The following TUBGCP3 variants were observed in gnomAD, a reference collection of about 807,000 sequenced individuals.
The protein encoded by TUBGCP3 is gamma-tubulin complex component 3.
TUBGCP3 carries 50 observed loss-of-function variants against 123.1 expected under a neutral mutation model. The observed-to-expected ratio is 0.41, with a 90% CI of 0.32 to 0.51. The LOEUF (loss-of-function observed/expected upper bound fraction) is 0.51, where lower values mean the gene tolerates loss of function less well. Ranked by LOEUF, TUBGCP3 falls within the 20% of genes least tolerant of loss-of-function variation. TUBGCP3 has a pLI of 0.36. For missense variants in TUBGCP3, 882 were observed against 1,127.0 expected (o/e 0.78, Z 3.11); for synonymous variants, 405 against 413.9 (o/e 0.98, Z 0.26).
intron 13 of TUBGCP3, 72 bp downstream of exon 13, chr13:112,526,870 G>C (rs1877172164): frequency 9.0e-7 from 1 of 1,105,798 alleles, no homozygotes; most frequent in Middle Eastern, 2.0e-4. Flanking sequence ...GTTACCATGA[G>C]TATCACCATC....
intron 20 of TUBGCP3, among the ~76,000 whole-genome samples, chr13:112,493,885 A>G (rs370843167): frequency 4.2e-5 from 6 of 142,612 alleles, no homozygotes; most frequent in African/African-American, 1.3e-4. Flanking sequence ...CACTCTGGCT[A>G]TAGGAATGGG....
At chr13:112,601,647 C>A in the TUBGCP3 span, among the ~76,000 whole-genome samples, 1 of 152,158 alleles carries the variant, frequency 6.6e-6, no homozygotes, top group Non-Finnish European at 1.5e-5. Context: ...AGCAGTTGGG[C>A]ATGCCCCAGT....
At chr13:112,562,086 T>TACCACCAGCCAGGCCCCACTAGGGAAC (rs1880554821) in intron 3 of TUBGCP3, among the ~76,000 whole-genome samples, 1 of 127,440 alleles carries the variant, frequency 7.8e-6, no homozygotes, top group Non-Finnish European at 1.7e-5. Flanking sequence ...ACTATGGGAA[T>TACCACCAGCCAGGCCCCACTAGGGAAC]ACCACCAGCC....
the TUBGCP3 span, among the ~76,000 whole-genome samples, chr13:112,600,644 A>G: frequency 1.3e-5 from 2 of 152,166 alleles, no homozygotes; most frequent in African/African-American, 4.8e-5. Flanking sequence ...CTTAAAAAAA[A>G]TTGGAATTAA....
chr13:112,543,522 T>C (rs963813502), intron 11 of TUBGCP3, among the ~76,000 whole-genome samples: 13 of 152,134 alleles, frequency 8.5e-5, no homozygotes, highest in Admixed American at 2.0e-4. Flanking sequence ...AACAGAGAAA[T>C]TGTGAAAAGA....
chr13:112,551,778 A>C lies in TUBGCP3; in HGVS notation c.966+2279T>G, dbSNP rs34055785. Among the ~76,000 whole-genome samples the C allele has an allele frequency of 9.6e-4, 146 of 152,292 alleles. 1 individual carries two copies. Among genetic ancestry groups the C allele is most frequent in the Non-Finnish European group, 1.1e-3 (78 of 68,000 alleles). On this transcript the variant is annotated intron_variant, in intron 8 of 21. Coordinates refer to ENST00000261965, the MANE Select transcript of TUBGCP3 (RefSeq NM_006322.6). ...ATAATCGATAAGGAGAAAGAAGATA[A>C]AAGAAGAGCCTCTAAAGTCCAGTAC...
intron 1 of TUBGCP3, among the ~76,000 whole-genome samples, chr13:112,574,817 C>A (rs1881684876): frequency 1.3e-5 from 2 of 152,234 alleles, no homozygotes; most frequent in Admixed American, 6.5e-5. Flanking sequence ...TTGATATTTT[C>A]TTTATCTGTT....
rs893165730 is a variant in TUBGCP3, at chr13:112,511,981, T to C, written c.2086+4459A>G. On this transcript the variant is annotated intron_variant, in intron 17 of 21. Transcript: ENST00000261965. The surrounding 1 kb of genome is among the most constrained non-coding windows in gnomAD (Gnocchi z 4.1). ...TCGTTCTCTCGAAAGCACATTTCAT[T>C]CAGTGGGATTAGAAAAGATAAAGGA... Among the ~76,000 whole-genome samples, 1 of 152,208 alleles carries C rather than the reference T, an allele frequency of 6.6e-6. No homozygotes were observed. The highest frequency in any genetic ancestry group is 6.5e-5 in the Admixed American group (1 of 15,284).
chr13:112,588,049 G>GCCCGCGCCCTTCCTGCGC lies in TUBGCP3; in HGVS notation c.-87_-70dup. The stretch of plus-strand genomic sequence containing the variant: ...TGCCGCCGCACGCGCAGGGACCGCG[G>GCCCGCGCCCTTCCTGCGC]CCCGCGCCCTTCCTGCGCCCCGCAA... On this transcript the variant is annotated 5_prime_UTR_variant, in exon 1 of 22. Coordinates refer to ENST00000261965, the MANE Select transcript of TUBGCP3 (RefSeq NM_006322.6). 1.5e-6 allele frequency: 2 copies of GCCCGCGCCCTTCCTGCGC among 1,291,198 alleles called. No homozygotes were observed. Among genetic ancestry groups the GCCCGCGCCCTTCCTGCGC allele is most frequent in the Non-Finnish European group, 2.0e-6 (2 of 991,092 alleles). The allele number at this position is 1,291,198 out of a possible 1,614,324, so 80.0% of individuals were successfully genotyped here. A position where few individuals can be genotyped will look rare whatever the true frequency, so the allele number is the denominator to read the frequency against.
chr13:112,493,374 C>T (rs1355054790), intron 20 of TUBGCP3, among the ~76,000 whole-genome samples: 4 of 149,930 alleles, frequency 2.7e-5, no homozygotes, highest in African/African-American at 9.9e-5. Context: ...GCCTGGTGTC[C>T]CTGAGACGCT....
intron 16 of TUBGCP3, 58 bp downstream of exon 16, chr13:112,518,917 A>G (rs187555775): frequency 1.3e-6 from 2 of 1,496,424 alleles, no homozygotes; most frequent in Admixed American, 1.7e-5. Flanking sequence ...ATTTCAAACA[A>G]AATGTTTAAC....
At chr13:112,561,792 C>A (rs1880530415) in intron 3 of TUBGCP3, among the ~76,000 whole-genome samples, 1 of 152,068 alleles carries the variant, frequency 6.6e-6, no homozygotes, top group Admixed American at 6.5e-5. Context: ...CACTAAGAAA[C>A]CGCTAGGTTA....
intron 11 of TUBGCP3, among the ~76,000 whole-genome samples, chr13:112,544,072 G>A (rs767805299): frequency 1.8e-4 from 27 of 152,162 alleles, no homozygotes; most frequent in Non-Finnish European, 3.4e-4. Context: ...ACAAGGACGC[G>A]GGAATGAGGA....
In TUBGCP3 at chr13:112,508,111, C is replaced by T. The variant is rs567550227; in HGVS notation, c.2087-3397G>A. ...TCCCTCACTCCCAGCCTCAGCATCC[C>T]GCAGCCCTGGCCCCACCAGGTTTGC... On this transcript the variant is annotated intron_variant, in intron 17 of 21. Coordinates refer to ENST00000261965, the MANE Select transcript of TUBGCP3 (RefSeq NM_006322.6). The surrounding 1 kb of genome is among the most constrained non-coding windows in gnomAD (Gnocchi z 4.2). Among the ~76,000 whole-genome samples, 1 of 152,240 alleles carries T rather than the reference C, an allele frequency of 6.6e-6. No homozygotes were observed. The highest frequency in any genetic ancestry group is 2.1e-4 in the South Asian group (1 of 4,828).
intron 1 of TUBGCP3, among the ~76,000 whole-genome samples, chr13:112,570,582 G>A (rs368859128): frequency 2.6e-5 from 4 of 152,298 alleles, no homozygotes; most frequent in African/African-American, 4.8e-5. Flanking sequence ...TCAGCAAGTC[G>A]AAATCTTTTT....
chr13:112,519,352 T>C lies in TUBGCP3; in HGVS notation c.1882-309A>G, dbSNP rs938821845. On this transcript the variant is annotated intron_variant, in intron 15 of 21. Coordinates refer to ENST00000261965, the MANE Select transcript of TUBGCP3 (RefSeq NM_006322.6). This position sits in a 1 kb window ranked among gnomAD's most constrained non-coding sequence, Gnocchi z 6.2. ...TCTAAATATGTTCCAAATCTTTTTA[T>C]TCCAAGATGACTCTTGCAATATTTT... Among the ~76,000 whole-genome samples the C allele has an allele frequency of 6.6e-6, 1 of 152,224 alleles. No homozygotes were observed. Among genetic ancestry groups the C allele is most frequent in the Non-Finnish European group, 1.5e-5 (1 of 68,040 alleles).
intron 13 of TUBGCP3, among the ~76,000 whole-genome samples, chr13:112,523,998 G>T (rs1042086055): frequency 6.6e-6 from 1 of 152,100 alleles, no homozygotes; most frequent in Non-Finnish European, 1.5e-5. Context: ...CCATGGACAG[G>T]ACGACGGGGA....
Position 112,489,279 on chromosome 13 carries a change from C to T in TUBGCP3, c.2565+302G>A, listed in dbSNP as rs557422533. ...CCAACACAGGGGAGCACAGGGGCCA[C>T]GCCCAGGTCCCCACACCCCAACACA... On this transcript the variant is annotated intron_variant, in intron 21 of 21. Transcript: ENST00000261965. Among the ~76,000 whole-genome samples the T allele has an allele frequency of 4.2e-4, 64 of 152,208 alleles. 1 individual carries two copies. Among genetic ancestry groups the T allele is most frequent in the African/African-American group, 1.4e-3 (60 of 41,520 alleles).
Position 112,526,999 on chromosome 13 carries a change from G to C in TUBGCP3, c.1498C>G (p.Gln500Glu). The change falls in exon 13 of 22, where the codon CAG becomes GAG. Residue 500 changes from glutamine to glutamate, a missense_variant. Transcript: ENST00000261965. Reference protein sequence around the residue: ...INFLHQVCHDQTPTTKMIAVT... With the variant: ...INFLHQVCHDETPTTKMIAVT... ...GCTATCATCTTTGTAGTGGGAGTCT[G>C]ATCATGACAAACTTGGTGCAAGAAA... The C allele has an allele frequency of 6.2e-7, 1 of 1,614,004 alleles. No individual in the cohort carries two copies. Among genetic ancestry groups the C allele is most frequent in the South Asian group, 1.1e-5 (1 of 91,062 alleles).
Sources: gnomAD v4.1 joint callset for allele counts (sites outside exome capture counted in the v4.1 genomes callset) on GRCh38, gnomAD v4.1.1 for gene constraint, Gnocchi (gnomAD v3.1) non-coding constraint, MANE v1.5 for transcripts, NCBI Gene and HGNC (gene_info 2026-07-23, HGNC 2026-07-21) for gene names.